Variants in UGT8 observed in about 807,000 individuals in gnomAD.
The protein encoded by UGT8 is 2-hydroxyacylsphingosine 1-beta-galactosyltransferase.
Under a neutral mutation model 40.5 loss-of-function variants are expected in UGT8, and 12 were observed. The observed-to-expected ratio is 0.30, with a 90% confidence interval of 0.19 to 0.48. The LOEUF is 0.48. Among genes scored for constraint, UGT8 ranks in the 20% least tolerant of loss-of-function variants. UGT8 has a pLI of 0.99. For missense variants in UGT8, 513 were observed against 648.7 expected (o/e 0.79, Z 2.27); for synonymous variants, 224 against 240.4 (o/e 0.93, Z 0.63).
At chr4:114,619,185 A>G (rs1731621051) in intron 1 of UGT8, among the ~76,000 whole-genome samples, 1 of 152,078 alleles carries the variant, frequency 6.6e-6, no homozygotes, top group South Asian at 2.1e-4. Flanking sequence ...GTATCAGTCT[A>G]TTTATAACAT....
chr4:114,610,150 C>T (rs1415122831), intron 1 of UGT8, among the ~76,000 whole-genome samples: 1 of 152,028 alleles, frequency 6.6e-6, no homozygotes, highest in African/African-American at 2.4e-5. Flanking sequence ...TTATATGGTA[C>T]AAATAGAAGA....
intron 1 of UGT8, among the ~76,000 whole-genome samples, 165 bp downstream of exon 1, chr4:114,599,139 T>C (rs940308630): frequency 1.3e-5 from 2 of 148,682 alleles, no homozygotes; most frequent in African/African-American, 5.0e-5. Context: ...CTGAGGAAGT[T>C]AGAAGTGGTT....
chr4:114,645,281 A>G (rs1412784970), intron 2 of UGT8, among the ~76,000 whole-genome samples: 2 of 152,206 alleles, frequency 1.3e-5, no homozygotes, highest in Non-Finnish European at 2.9e-5. Flanking sequence ...CTTACCATGA[A>G]GAAGTGTAGT....
intron 1 of UGT8, among the ~76,000 whole-genome samples, chr4:114,601,783 G>C (rs1730456673): frequency 6.6e-6 from 1 of 151,536 alleles, no homozygotes; most frequent in Non-Finnish European, 1.5e-5. Context: ...CAGCCTGCTG[G>C]GTTGAAATAC....
intron 2 of UGT8, among the ~76,000 whole-genome samples, chr4:114,661,941 G>A (rs1368851992): frequency 6.6e-6 from 1 of 152,148 alleles, no homozygotes; most frequent in East Asian, 1.9e-4. Context: ...TTATGTTTAA[G>A]TACATCTAAC....
chr4:114,620,912 A>G lies in UGT8; in HGVS notation c.-2-1967A>G, dbSNP rs114359686. The stretch of plus-strand genomic sequence containing the variant: ...TTCTAAGGAGTAAAAATAGATATCA[A>G]TTTGGTTATATGTGTGTTGGTGATG... On this transcript the variant is annotated intron_variant, in intron 1 of 5. Transcript: ENST00000310836. Among the ~76,000 whole-genome samples the G allele has an allele frequency of 2.4e-3, 370 of 152,274 alleles. 1 individual carries two copies. The highest frequency in any genetic ancestry group is 8.3e-3 in the African/African-American group (343 of 41,562).
intron 2 of UGT8, among the ~76,000 whole-genome samples, chr4:114,640,069 C>A (rs371264635): frequency 7.2e-6 from 1 of 139,608 alleles, no homozygotes; most frequent in Admixed American, 7.7e-5. Flanking sequence ...CTCGCTCTGT[C>A]GCCCAGGCTG....
At chr4:114,664,229 T>C in intron 3 of UGT8, 92 bp downstream of exon 3, 2 of 1,408,180 alleles carry the variant, frequency 1.4e-6, no homozygotes, top group Non-Finnish European at 1.9e-6. Flanking sequence ...GCACATTGTT[T>C]CCCTGACAAG....
At position 114,664,081 on chromosome 4, in the gene UGT8, C is replaced by A. The variant is rs771207594; in HGVS notation, c.909C>A (p.Asp303Glu). 4 of 1,613,992 alleles carry A rather than the reference C, an allele frequency of 2.5e-6. No individual in the cohort carries two copies. The South Asian group carries it at 4.4e-5, about 18-fold the overall frequency. ...FGAGVKYLSE[D>E]IANKLAGALG... ...CTGGTGTCAAGTATCTGTCAGAAGA[C>A]ATTGCTAACAAACTGGCAGGAGCTC... The change falls in exon 3 of 6, where the codon GAC becomes GAA. Residue 303 changes from aspartate to glutamate, a missense_variant. Asp to Glu is a conservative substitution (Grantham distance 45, BLOSUM62 2). Around this residue, in one of 3 missense-constraint regions of UGT8, gnomAD observed 335 missense variants for 444.8 expected, o/e 0.75. Transcript: ENST00000310836.
chr4:114,638,717 T>C (rs893909700), intron 2 of UGT8, among the ~76,000 whole-genome samples: 1 of 152,244 alleles, frequency 6.6e-6, no homozygotes, highest in Admixed American at 6.5e-5. Flanking sequence ...CTCTACTTTA[T>C]TGGAAAGTTT....
At chr4:114,659,743 T>C (rs1734404576) in intron 2 of UGT8, among the ~76,000 whole-genome samples, 1 of 152,198 alleles carries the variant, frequency 6.6e-6, no homozygotes, top group Non-Finnish European at 1.5e-5. Context: ...TAAATGGCCA[T>C]TGATGAGTTA....
chr4:114,675,912 C>G lies in UGT8; in HGVS notation c.1263-13C>G, dbSNP rs368034436. The G allele has an allele frequency of 6.3e-7, 1 of 1,595,294 alleles. No homozygotes were observed. The highest frequency in any genetic ancestry group is 1.3e-5 in the African/African-American group (1 of 74,080). On this transcript the variant is annotated splice_polypyrimidine_tract_variant and intron_variant, in intron 5 of 5. Transcript: ENST00000310836. Reference sequence around the variant, plus strand: ...TAAGCATCATCATTCTGTGTTTTGTCCCCTCTCCATAGCTACCGTCAGAGG... The same window carrying G: ...TAAGCATCATCATTCTGTGTTTTGTGCCCTCTCCATAGCTACCGTCAGAGG...
chr4:114,611,707 A>G (rs1170162287), intron 1 of UGT8, among the ~76,000 whole-genome samples: 3 of 151,382 alleles, frequency 2.0e-5, no homozygotes, highest in East Asian at 3.9e-4. Context: ...ATAAATATGT[A>G]TACATATATA....
intron 2 of UGT8, among the ~76,000 whole-genome samples, chr4:114,633,742 G>A (rs549494916): frequency 2.6e-5 from 4 of 152,140 alleles, no homozygotes; most frequent in East Asian, 1.9e-4. Flanking sequence ...TCAGGAGTTC[G>A]AGACCAGCCT....
At chr4:114,650,145 G>C (rs1292061449) in intron 2 of UGT8, among the ~76,000 whole-genome samples, 4 of 152,004 alleles carry the variant, frequency 2.6e-5, no homozygotes, top group African/African-American at 9.7e-5. Context: ...AAATCTTTTG[G>C]GGTGACTCCA....
At position 114,611,746 on chromosome 4, in the gene UGT8, G is replaced by T. The variant is rs137862543; in HGVS notation, c.-2-11133G>T. 5.2e-3 allele frequency among the ~76,000 whole-genome samples: 792 copies of T among 151,610 alleles called. 5 individuals carry two copies. Among genetic ancestry groups the T allele is most frequent in the Middle Eastern group, 0.014 (4 of 292 alleles). On this transcript the variant is annotated intron_variant, in intron 1 of 5. Coordinates refer to ENST00000310836, the MANE Select transcript of UGT8 (RefSeq NM_001128174.3). ...TTAAAATGAGGTATGTGATCAAGACGAAAGTTTTAATACCACTGTTTTCTT... is the reference window on the plus strand; with the variant it reads ...TTAAAATGAGGTATGTGATCAAGACTAAAGTTTTAATACCACTGTTTTCTT...
chr4:114,663,365 G>C (rs1159111872), intron 2 of UGT8, among the ~76,000 whole-genome samples: 1 of 152,088 alleles, frequency 6.6e-6, no homozygotes, highest in Non-Finnish European at 1.5e-5. Flanking sequence ...CACAGCAAGT[G>C]TGTCATTCTT....
In UGT8 at chr4:114,598,952, G is replaced by T. The variant is rs1356861852; in HGVS notation, c.-25G>T. The T allele has an allele frequency of 6.6e-6, 1 of 152,048 alleles. No homozygotes were observed. Among genetic ancestry groups the T allele is most frequent in the Non-Finnish European group, 1.5e-5 (1 of 68,164 alleles). 9.4% of individuals were successfully genotyped at this position (152,048 alleles called of 1,614,324 possible). A position where few individuals can be genotyped will look rare whatever the true frequency, so the allele number is the denominator to read the frequency against. On this transcript the variant is annotated 5_prime_UTR_variant, in exon 1 of 6. Transcript: ENST00000310836. ...ACGCGGCAGACACACACTCAAACTC[G>T]CGCGGGGCAGCCAAGAGACGAGGTG...
rs79661070 is a variant in UGT8 at position 114,618,672 on chromosome 4, A to C, written c.-2-4207A>C. Among the ~76,000 whole-genome samples, 47 of 152,280 alleles carry C rather than the reference A, an allele frequency of 3.1e-4. No individual in the cohort carries two copies. In the East Asian group the frequency reaches 8.9e-3, roughly 29 times the overall value. Reference sequence around the variant, plus strand: ...TGCATTTAAATCTAATATTTGTAAAAGCAATTGTTTGCTTTGCTTTATGCT... The same window carrying C: ...TGCATTTAAATCTAATATTTGTAAACGCAATTGTTTGCTTTGCTTTATGCT... On this transcript the variant is annotated intron_variant, in intron 1 of 5. Transcript: ENST00000310836.
Sources: allele counts gnomAD v4.1 joint callset (sites outside exome capture counted in the v4.1 genomes callset), GRCh38; gene constraint gnomAD v4.1.1; regional missense constraint gnomAD v4.1.1; transcripts MANE v1.5; gene names NCBI Gene and HGNC (gene_info 2026-07-23, HGNC 2026-07-21).